The following NNT variants were observed in gnomAD, a reference collection of about 807,000 sequenced individuals.
NNT encodes the protein NAD(P) transhydrogenase, mitochondrial.
A neutral mutation model predicts 104.8 loss-of-function variants in NNT; 50 were observed. That is an observed-to-expected ratio of 0.48 (90% CI 0.38 to 0.60). The LOEUF (loss-of-function observed/expected upper bound fraction) is 0.60, where lower values mean the gene tolerates loss of function less well. Among genes scored for constraint, NNT ranks in the 20% least tolerant of loss-of-function variants. The pLI, the probability that NNT is intolerant of heterozygous loss-of-function variation, is 0.00. For missense variants in NNT, 1,131 were observed against 1,330.7 expected, an observed-to-expected ratio of 0.85 and a Z score of 2.33; for synonymous variants, 461 against 490.4, an observed-to-expected ratio of 0.94 and a Z score of 0.79.
chr5:43,621,121 A>G (rs888536794), intron 5 of NNT, among the ~76,000 whole-genome samples: 14 of 152,224 alleles, frequency 9.2e-5, no homozygotes, highest in African/African-American at 3.1e-4. Context: ...TCCTTTAAAC[A>G]TGGAGGGTTC....
At chr5:43,633,119 G>A (rs1463456331) in intron 7 of NNT, among the ~76,000 whole-genome samples, 1 of 152,146 alleles carries the variant, frequency 6.6e-6, no homozygotes, top group East Asian at 1.9e-4. Context: ...CTATTCTAAG[G>A]CCTGGGTTTT....
In NNT at chr5:43,707,262, TGTGAA is replaced by T. The variant is rs900153454; in HGVS notation, c.*2862_*2866del. The stretch of plus-strand genomic sequence containing the variant: ...TCTTGAAAAATTCTAAGAGAGTGGA[TGTGAA>T]GTGTTCTCACCACAAAAGTGATAAC... On this transcript the variant is annotated 3_prime_UTR_variant, in exon 22 of 22. Transcript: ENST00000344920. The T allele has an allele frequency of 1.3e-5, 2 of 152,112 alleles. No homozygotes were observed. The highest frequency in any genetic ancestry group is 2.9e-5 in the Non-Finnish European group (2 of 68,014). 9.4% of individuals were successfully genotyped at this position (152,112 alleles called of 1,614,324 possible).
chr5:43,648,984 C>T (rs532425694), intron 10 of NNT, among the ~76,000 whole-genome samples, 163 bp from the exon 11 acceptor site: 17 of 152,130 alleles, frequency 1.1e-4, no homozygotes, highest in African/African-American at 3.1e-4. Context: ...ATTCCTCCAT[C>T]CCCCCACTTC....
intron 16 of NNT, among the ~76,000 whole-genome samples, chr5:43,657,991 C>T (rs576414276): frequency 3.0e-4 from 46 of 151,926 alleles, no homozygotes; most frequent in African/African-American, 9.7e-4. Context: ...AAAAATAAGC[C>T]GGGTGTGGTA....
At chr5:43,678,531 C>T (rs1294271894) in intron 19 of NNT, among the ~76,000 whole-genome samples, 3 of 152,150 alleles carry the variant, frequency 2.0e-5, no homozygotes, top group Non-Finnish European at 4.4e-5. Context: ...TGTCTTGTTT[C>T]TCTGTGGTTT....
intron 17 of NNT, among the ~76,000 whole-genome samples, chr5:43,665,175 C>T (rs1156947653): frequency 6.6e-6 from 1 of 151,358 alleles, no homozygotes; most frequent in Non-Finnish European, 1.5e-5. Context: ...GTGATGAAAC[C>T]TCTTTGTTCA....
chr5:43,651,614 A>T, intron 12 of NNT, 125 bp from the exon 13 acceptor site: 1 of 1,065,382 alleles, frequency 9.4e-7, no homozygotes, highest in East Asian at 2.4e-5. Context: ...TGTTACTTTA[A>T]ATTATATTTG....
At chr5:43,603,494 A>G (rs886435399) in intron 1 of NNT, among the ~76,000 whole-genome samples, 200 bp downstream of exon 1, 2 of 151,758 alleles carry the variant, frequency 1.3e-5, no homozygotes, top group Admixed American at 6.6e-5. Flanking sequence ...TTAGGTGGGG[A>G]AGAAGCACCG....
rs181517819 is a variant in NNT at position 43,705,771 on chromosome 5, A to T, written c.*1367A>T. On this transcript the variant is annotated 3_prime_UTR_variant, in exon 22 of 22. Transcript: ENST00000344920. ...CTGTGCCTGAGATTAAGATCTGTGT[A>T]TGTGTGTGTGTGTGTGTGTGCGTTT... is the stretch of plus-strand genomic sequence containing the variant. The T allele has an allele frequency of 1.3e-5, 2 of 149,370 alleles. No individual in the cohort carries two copies. The highest frequency in any genetic ancestry group is 4.2e-4 in the South Asian group (2 of 4,716). The allele number at this position is 149,370 out of a possible 1,614,324, so 9.3% of individuals were successfully genotyped here. A position where few individuals can be genotyped will look rare whatever the true frequency, so the allele number is the denominator to read the frequency against.
chr5:43,675,457 T>C, intron 17 of NNT, 54 bp from the exon 18 acceptor site: 1 of 1,508,666 alleles, frequency 6.6e-7, no homozygotes, highest in Non-Finnish European at 9.0e-7. Context: ...ATTTGTACTA[T>C]TCTCACAAAG....
In NNT at chr5:43,642,701, A is replaced by G. The variant is rs146208582; in HGVS notation, c.965-1491A>G. Among the ~76,000 whole-genome samples, 557 of 152,346 alleles carry G rather than the reference A, an allele frequency of 3.7e-3. 8 individuals carry two copies. Among genetic ancestry groups the G allele is most frequent in the African/African-American group, 0.013 (530 of 41,588 alleles). ...CCCAGGGTGAGAGGCATTTAGTCCC[A>G]GGAGCCTTAGGATTTGGACTTTATC... On this transcript the variant is annotated intron_variant, in intron 7 of 21. Transcript: ENST00000344920.
At chr5:43,690,391 A>G (rs1164202931) in intron 19 of NNT, among the ~76,000 whole-genome samples, 2 of 152,204 alleles carry the variant, frequency 1.3e-5, no homozygotes, top group Non-Finnish European at 2.9e-5. Flanking sequence ...TAGAACAACG[A>G]TTCTTAGTCT....
At chr5:43,684,544 C>T (rs943407831) in intron 19 of NNT, among the ~76,000 whole-genome samples, 1 of 151,980 alleles carries the variant, frequency 6.6e-6, no homozygotes, top group Non-Finnish European at 1.5e-5. Context: ...ACAGCAGTTG[C>T]CTCATCGGGA....
Position 43,616,082 on chromosome 5 carries a change from T to G in NNT, c.599+17T>G. 1 of 1,604,864 alleles carries G rather than the reference T, an allele frequency of 6.2e-7. No homozygotes were observed. Among genetic ancestry groups the G allele is most frequent in the Admixed American group, 1.7e-5 (1 of 59,084 alleles). ...CATTGCGGGGTAGGTTCTTTTCCAT[T>G]TCAATTGAACAAAAGCGCAATAGTG... On this transcript the variant is annotated intron_variant, in intron 4 of 21. Coordinates refer to ENST00000344920, the MANE Select transcript of NNT (RefSeq NM_182977.3).
At position 43,653,185 on chromosome 5, in the gene NNT, T is replaced by C; in HGVS notation, c.2031T>C (p.Ser677=). The C allele has an allele frequency of 6.2e-7, 1 of 1,614,124 alleles. No individual in the cohort carries two copies. The highest frequency in any genetic ancestry group is 8.5e-7 in the Non-Finnish European group (1 of 1,179,996). ...KPGPELLAQM[S]GAMALGGTIG... ...GCCCAGAATTACTAGCTCAGATGTC[T>C]GGAGCGATGGCTTTGGGTGGTACCA... Residue 677 remains serine, a synonymous_variant, in exon 14 of 22, where the codon TCT becomes TCC. Transcript: ENST00000344920.
chr5:43,660,723 G>C (rs760322199), intron 17 of NNT, among the ~76,000 whole-genome samples: 15 of 152,158 alleles, frequency 9.9e-5, no homozygotes, highest in Non-Finnish European at 1.9e-4. Flanking sequence ...AGCGGAGAAG[G>C]GGAGAGAGTG....
At chr5:43,637,945 T>G (rs1172248748) in intron 7 of NNT, among the ~76,000 whole-genome samples, 1 of 152,132 alleles carries the variant, frequency 6.6e-6, no homozygotes, top group Non-Finnish European at 1.5e-5. Flanking sequence ...GATTTGGTTG[T>G]GCCCCCACCC....
chr5:43,628,447 A>T (rs1393527803), intron 7 of NNT, 60 bp downstream of exon 7: 1 of 1,303,858 alleles, frequency 7.7e-7, no homozygotes, highest in Non-Finnish European at 1.0e-6. Flanking sequence ...TTTAAAAAAA[A>T]GCGAGAGTGA....
At chr5:43,651,977 G>A (rs1056972785) in intron 13 of NNT, 93 bp downstream of exon 13, 2 of 1,343,226 alleles carry the variant, frequency 1.5e-6, no homozygotes, top group East Asian at 2.3e-5. Flanking sequence ...AAAGTATCGA[G>A]CAAATACAAC....
Sources: gnomAD v4.1 joint callset for allele counts (sites outside exome capture counted in the v4.1 genomes callset) on GRCh38, gnomAD v4.1.1 for gene constraint, MANE v1.5 for transcripts, NCBI Gene and HGNC (gene_info 2026-07-23, HGNC 2026-07-21) for gene names.